Variants in NALF1 observed in about 807,000 individuals in gnomAD.
NALF1 encodes NALCN channel auxiliary factor 1, also known as family with sequence similarity 155 member A.
In NALF1, 3 loss-of-function variants were observed where a neutral mutation model predicts 48.4. The observed-to-expected ratio is 0.06, with a 90% CI of 0.03 to 0.16. The LOEUF is 0.16. Among genes scored for constraint, NALF1 ranks in the 10% least tolerant of loss-of-function variants. The probability of loss-of-function intolerance (pLI) is 1.00; values close to 1 mark genes in which losing one functional copy is unlikely to be tolerated. For synonymous variants in NALF1, 262 were observed against 245.7 expected (o/e 1.07, Z -0.62); for missense variants, 526 against 571.5 (o/e 0.92, Z 0.81).
At chr13:107,273,441 T>C (rs74114090) in intron 1 of NALF1, among the ~76,000 whole-genome samples, 3,222 of 152,314 alleles carry the variant, frequency 0.021, 129 homozygotes, top group African/African-American at 0.074. Flanking sequence ...GCCTCAGCCA[T>C]GAACCTAGCA....
intron 1 of NALF1, among the ~76,000 whole-genome samples, chr13:107,315,925 T>C (rs944403945): frequency 1.3e-5 from 2 of 151,438 alleles, no homozygotes; most frequent in African/African-American, 2.4e-5. Flanking sequence ...TACTTTAAGT[T>C]CTAGGGTACA....
chr13:107,334,248 C>G (rs1309826760), intron 1 of NALF1, among the ~76,000 whole-genome samples: 1 of 152,126 alleles, frequency 6.6e-6, no homozygotes, highest in Non-Finnish European at 1.5e-5. Flanking sequence ...GGTGCTCTTC[C>G]TAAACAGAAA....
At chr13:107,793,186 T>C (rs1019464338) in intron 1 of NALF1, among the ~76,000 whole-genome samples, 13 of 152,242 alleles carry the variant, frequency 8.5e-5, no homozygotes, top group Non-Finnish European at 1.6e-4. Flanking sequence ...TGTGCCCTTT[T>C]AACTCAAAGT....
intron 1 of NALF1, among the ~76,000 whole-genome samples, chr13:107,538,136 T>C (rs1200815206): frequency 6.6e-6 from 1 of 152,184 alleles, no homozygotes; most frequent in Non-Finnish European, 1.5e-5. Flanking sequence ...TCCAATAAAA[T>C]ATGATTGAAG....
intron 1 of NALF1, among the ~76,000 whole-genome samples, chr13:107,453,119 G>T (rs1327085535): frequency 6.6e-6 from 1 of 152,164 alleles, no homozygotes; most frequent in Non-Finnish European, 1.5e-5. Context: ...CAGGCACACA[G>T]TCCAATCTGT....
At chr13:107,819,934 G>A (rs1019979980) in intron 1 of NALF1, among the ~76,000 whole-genome samples, 18 of 152,052 alleles carry the variant, frequency 1.2e-4, no homozygotes, top group Non-Finnish European at 2.4e-4. Flanking sequence ...ATTGGGTCTG[G>A]CATATTATCA....
intron 1 of NALF1, among the ~76,000 whole-genome samples, chr13:107,528,808 G>A (rs184804853): frequency 1.3e-3 from 194 of 152,188 alleles, no homozygotes; most frequent in Middle Eastern, 0.01. Context: ...TCATTAATAC[G>A]TACAGTAAAG....
chr13:107,252,407 G>A (rs1880721119), intron 1 of NALF1, among the ~76,000 whole-genome samples: 1 of 151,304 alleles, frequency 6.6e-6, no homozygotes, highest in South Asian at 2.1e-4. Context: ...AAGATAGAGA[G>A]GGGAGAATAA....
chr13:107,504,117 C>T (rs1255135593), intron 1 of NALF1, among the ~76,000 whole-genome samples: 1 of 151,298 alleles, frequency 6.6e-6, no homozygotes, highest in African/African-American at 2.4e-5. Flanking sequence ...CTGGGTGTGG[C>T]GGCACGTGCC....
chr13:107,374,279 T>C (rs1883299025), intron 1 of NALF1, among the ~76,000 whole-genome samples: 1 of 152,158 alleles, frequency 6.6e-6, no homozygotes, highest in Non-Finnish European at 1.5e-5. Flanking sequence ...TGTGAGGAAA[T>C]TCTGTCTAAA....
At chr13:107,783,002 T>A (rs1282348660) in intron 1 of NALF1, among the ~76,000 whole-genome samples, 18 of 132,974 alleles carry the variant, frequency 1.4e-4, no homozygotes, top group African/African-American at 5.3e-4. Context: ...AGCCGCCCCG[T>A]CCGGGAGGGA....
chr13:107,419,132 G>T (rs927673668), intron 1 of NALF1, among the ~76,000 whole-genome samples: 9 of 152,288 alleles, frequency 5.9e-5, no homozygotes, highest in Admixed American at 5.2e-4. Context: ...CTGCATATGT[G>T]TTGACTAGAT....
intron 1 of NALF1, among the ~76,000 whole-genome samples, chr13:107,824,684 T>G (rs1400453838): frequency 6.6e-6 from 1 of 152,200 alleles, no homozygotes; most frequent in Non-Finnish European, 1.5e-5. Context: ...ATTCCCCCAT[T>G]CTGTCTATAC....
chr13:107,575,005 G>T (rs1260444779), intron 1 of NALF1, among the ~76,000 whole-genome samples: 1 of 152,086 alleles, frequency 6.6e-6, no homozygotes, highest in Non-Finnish European at 1.5e-5. Flanking sequence ...ACTCCTGGAT[G>T]CATGCCATAA....
At chr13:107,573,379 G>T (rs1226301336) in intron 1 of NALF1, among the ~76,000 whole-genome samples, 4 of 151,760 alleles carry the variant, frequency 2.6e-5, no homozygotes, top group African/African-American at 9.7e-5. Context: ...TGCTGACCTG[G>T]GGAATAAGAA....
At chr13:107,800,918 AT>A (rs1243605632) in intron 1 of NALF1, among the ~76,000 whole-genome samples, 1 of 151,964 alleles carries the variant, frequency 6.6e-6, no homozygotes, top group Admixed American at 6.6e-5. Context: ...AAAGCCTTTT[AT>A]TTGACAGATG....
intron 1 of NALF1, among the ~76,000 whole-genome samples, chr13:107,391,961 A>C (rs1883634771): frequency 6.6e-6 from 1 of 152,122 alleles, no homozygotes; most frequent in African/African-American, 2.4e-5. Flanking sequence ...CTCTTAAAAT[A>C]TCTTACAGTT....
intron 1 of NALF1, among the ~76,000 whole-genome samples, chr13:107,823,165 C>T (rs7325927): frequency 0.38 from 57,867 of 152,062 alleles, 12,781 homozygotes; most frequent in African/African-American, 0.6. Flanking sequence ...GTCAGTTACC[C>T]TCCTCATTTG....
chr13:107,751,235 T>G (rs1289697427), intron 1 of NALF1, among the ~76,000 whole-genome samples: 1 of 152,200 alleles, frequency 6.6e-6, no homozygotes. Context: ...AACATCCAAA[T>G]GTGTTCCAAT....
Sources: gnomAD v4.1 joint callset for allele counts (sites outside exome capture counted in the v4.1 genomes callset) on GRCh38, gnomAD v4.1.1 for gene constraint, MANE v1.5 for transcripts, NCBI Gene and HGNC (gene_info 2026-07-23, HGNC 2026-07-21) for gene names.